SSBP2: variants seen among roughly 807,000 people sequenced by gnomAD.
SSBP2 encodes the protein single stranded DNA binding protein 2.
In SSBP2, 17 loss-of-function variants were observed where a neutral mutation model predicts 61.8. The observed-to-expected ratio is 0.28, with a 90% CI of 0.19 to 0.41. The LOEUF is 0.41. Among genes scored for constraint, SSBP2 ranks in the 10% least tolerant of loss-of-function variants. The probability of loss-of-function intolerance (pLI) is 1.00; values close to 1 mark genes in which losing one functional copy is unlikely to be tolerated. For missense variants in SSBP2, 310 were observed against 458.7 expected, an observed-to-expected ratio of 0.68 and a Z score of 2.96; for synonymous variants, 139 against 141.3, an observed-to-expected ratio of 0.98 and a Z score of 0.12.
chr5:81,425,215 TTC>T (rs1408917852), intron 16 of SSBP2, among the ~76,000 whole-genome samples: 1 of 152,206 alleles, frequency 6.6e-6, no homozygotes, highest in African/African-American at 2.4e-5. Context: ...GTGTATAAAT[TTC>T]TGTTTATACA....
chr5:81,723,072 T>C (rs1163292312), intron 1 of SSBP2, among the ~76,000 whole-genome samples: 1 of 152,038 alleles, frequency 6.6e-6, no homozygotes, highest in East Asian at 1.9e-4. Flanking sequence ...CCTTTCTTTA[T>C]GCTAATTAAA....
intron 4 of SSBP2, among the ~76,000 whole-genome samples, chr5:81,598,269 A>G (rs1743990797): frequency 6.6e-6 from 1 of 152,136 alleles, no homozygotes; most frequent in Admixed American, 6.5e-5. Context: ...GATAGGAATT[A>G]CCACAAACTT....
chr5:81,685,788 G>C (rs1032312725), intron 1 of SSBP2, among the ~76,000 whole-genome samples: 2 of 152,120 alleles, frequency 1.3e-5, no homozygotes, highest in African/African-American at 4.8e-5. Context: ...TTTAGCCACT[G>C]GGTGGTCCAC....
At chr5:81,597,953 CAT>C (rs1242539662) in intron 4 of SSBP2, among the ~76,000 whole-genome samples, 1 of 151,694 alleles carries the variant, frequency 6.6e-6, no homozygotes, top group Non-Finnish European at 1.5e-5. Context: ...CACATGTATA[CAT>C]ATGTAACAAA....
At chr5:81,580,856 G>T (rs1774589175) in intron 4 of SSBP2, among the ~76,000 whole-genome samples, 1 of 151,924 alleles carries the variant, frequency 6.6e-6, no homozygotes, top group African/African-American at 2.4e-5. Flanking sequence ...GTTCCACTAT[G>T]ATCCCAGTAC....
At chr5:81,665,055 T>C (rs192845450) in intron 1 of SSBP2, among the ~76,000 whole-genome samples, 1 of 152,322 alleles carries the variant, frequency 6.6e-6, no homozygotes. Context: ...TCTTTTTTGG[T>C]TCCATATGAA....
At chr5:81,524,451 GCTGCTAA>G (rs879784168) in intron 4 of SSBP2, among the ~76,000 whole-genome samples, 1 of 152,110 alleles carries the variant, frequency 6.6e-6, no homozygotes, top group Non-Finnish European at 1.5e-5. Flanking sequence ...ATTGTTTTAA[GCTGCTAA>G]ATTTGTGGTA....
At chr5:81,517,533 T>C (rs1323989004) in intron 4 of SSBP2, among the ~76,000 whole-genome samples, 1 of 152,032 alleles carries the variant, frequency 6.6e-6, no homozygotes, top group African/African-American at 2.4e-5. Context: ...CAAGGAAATA[T>C]TAAAATGAAC....
At chr5:81,480,284 T>C (rs1765888027) in intron 6 of SSBP2, among the ~76,000 whole-genome samples, 1 of 152,158 alleles carries the variant, frequency 6.6e-6, no homozygotes, top group Admixed American at 6.5e-5. Context: ...GAGATATTGC[T>C]GGTTTAGCTC....
At chr5:81,654,698 T>C (rs1408198638) in intron 1 of SSBP2, among the ~76,000 whole-genome samples, 1 of 152,184 alleles carries the variant, frequency 6.6e-6, no homozygotes. Context: ...CAGAAAGTTC[T>C]GGGGGAACAG....
At chr5:81,708,210 C>A (rs901265687) in intron 1 of SSBP2, among the ~76,000 whole-genome samples, 14 of 152,198 alleles carry the variant, frequency 9.2e-5, no homozygotes, top group African/African-American at 2.9e-4. Context: ...AAGACAGGGT[C>A]TCTGCCTTCA....
chr5:81,501,708 G>A (rs1351276667), intron 5 of SSBP2, among the ~76,000 whole-genome samples: 7 of 151,370 alleles, frequency 4.6e-5, no homozygotes, highest in African/African-American at 1.2e-4. Flanking sequence ...GACTACAGGC[G>A]CCCACCACCA....
intron 1 of SSBP2, among the ~76,000 whole-genome samples, chr5:81,712,135 C>T (rs1754836491): frequency 6.7e-6 from 1 of 149,240 alleles, no homozygotes; most frequent in Non-Finnish European, 1.5e-5. Flanking sequence ...GTAAGTCATA[C>T]GAGATCTAAC....
rs1165355186 is a variant in SSBP2 at position 81,415,644 on chromosome 5, G to A, written c.*4860C>T. On this transcript the variant is annotated 3_prime_UTR_variant, in exon 17 of 17. Transcript: ENST00000320672. ...AAGGAAAACCTGGGCCAGGTACGGT[G>A]GCTCATGCCTGTAATCCCAACACTT... 2.0e-5 allele frequency: 3 copies of A among 152,104 alleles called. No individual in the cohort carries two copies. Among genetic ancestry groups the A allele is most frequent in the Non-Finnish European group, 2.9e-5 (2 of 68,146 alleles). 9.4% of individuals were successfully genotyped at this position (152,104 alleles called of 1,614,324 possible).
chr5:81,707,901 A>G (rs1754507654), intron 1 of SSBP2, among the ~76,000 whole-genome samples: 1 of 152,172 alleles, frequency 6.6e-6, no homozygotes, highest in South Asian at 2.1e-4. Flanking sequence ...TGTTATCACC[A>G]AAGATTTGCA....
chr5:81,509,762 T>G (rs1360528995), intron 5 of SSBP2, among the ~76,000 whole-genome samples: 2 of 152,160 alleles, frequency 1.3e-5, no homozygotes, highest in Non-Finnish European at 2.9e-5. Context: ...CTGAAAGTTT[T>G]TCAATCTCCT....
chr5:81,643,884 T>C (rs570204674), intron 2 of SSBP2, among the ~76,000 whole-genome samples: 1 of 152,286 alleles, frequency 6.6e-6, no homozygotes, highest in East Asian at 1.9e-4. Context: ...ATTACATGCG[T>C]GAGCCACCGC....
At chr5:81,680,837 CTCT>C (rs1467533617) in intron 1 of SSBP2, among the ~76,000 whole-genome samples, 1 of 152,180 alleles carries the variant, frequency 6.6e-6, no homozygotes, top group African/African-American at 2.4e-5. Context: ...GACTTTAACA[CTCT>C]TCTATGAGAA....
In SSBP2 at chr5:81,540,010, G is replaced by T. The variant is rs942421801; in HGVS notation, c.283-26293C>A. On this transcript the variant is annotated intron_variant, in intron 4 of 16. Transcript: ENST00000320672. ...ATGCAGTGTTTGGTTTTCTTTTCCT[G>T]TGTTAGTTTGCTGAGAATGATGGTT... is the stretch of plus-strand genomic sequence containing the variant. Among the ~76,000 whole-genome samples the T allele has an allele frequency of 3.3e-5, 5 of 152,088 alleles. No individual in the cohort carries two copies. The South Asian group carries it at 6.2e-4, about 19-fold the overall frequency.
Sources: allele counts gnomAD v4.1 joint callset (sites outside exome capture counted in the v4.1 genomes callset), GRCh38; gene constraint gnomAD v4.1.1; transcripts MANE v1.5; gene names NCBI Gene and HGNC (gene_info 2026-07-23, HGNC 2026-07-21).